The following TLL2 variants were observed in gnomAD, a reference collection of about 807,000 sequenced individuals.
TLL2 encodes the protein tolloid-like protein 2.
A neutral mutation model predicts 123.0 loss-of-function variants in TLL2; 106 were observed. That is an observed-to-expected ratio of 0.86 (90% confidence interval 0.74 to 1.01). The LOEUF (loss-of-function observed/expected upper bound fraction) is 1.01, where lower values mean the gene tolerates loss of function less well. Ranked by LOEUF, TLL2 falls within the 50% of genes least tolerant of loss-of-function variation. The pLI is 0.00. For synonymous variants in TLL2, 494 were observed against 516.8 expected, an observed-to-expected ratio of 0.96 and a Z score of 0.60; for missense variants, 1,332 against 1,336.7, an observed-to-expected ratio of 1.00 and a Z score of 0.06.
intron 2 of TLL2, among the ~76,000 whole-genome samples, chr10:96,459,705 A>AAATATATATATATAT (rs1847058581): frequency 2.6e-5 from 1 of 38,040 alleles, no homozygotes. Flanking sequence ...AAAAAAAAAA[A>AAATATATATATATAT]ATATATATAT....
intron 1 of TLL2, among the ~76,000 whole-genome samples, chr10:96,505,833 AG>A (rs1847572718): frequency 6.6e-6 from 1 of 152,208 alleles, no homozygotes; most frequent in African/African-American, 2.4e-5. Context: ...TCTGTTTTCT[AG>A]GCATGGTACC....
At chr10:96,394,435 G>A (rs1185260318) in intron 13 of TLL2, among the ~76,000 whole-genome samples, 1 of 152,220 alleles carries the variant, frequency 6.6e-6, no homozygotes, top group Non-Finnish European at 1.5e-5. Flanking sequence ...TTGGAAGCTG[G>A]CTCTTCTGGG....
At chr10:96,389,146 G>C (rs1219341181) in intron 13 of TLL2, among the ~76,000 whole-genome samples, 3 of 152,232 alleles carry the variant, frequency 2.0e-5, no homozygotes, top group African/African-American at 7.2e-5. Context: ...AAGTGAGTCA[G>C]ACCTGGGGTG....
At chr10:96,447,502 G>A (rs187634418) in intron 2 of TLL2, among the ~76,000 whole-genome samples, 104 of 152,254 alleles carry the variant, frequency 6.8e-4, no homozygotes, top group Non-Finnish European at 1.3e-3. Context: ...GTCGTGTTAG[G>A]GAACAGTCAT....
chr10:96,426,343 T>G lies in TLL2; in HGVS notation c.638+2288A>C, dbSNP rs560844632. On this transcript the variant is annotated intron_variant, in intron 5 of 20. Transcript: ENST00000357947. ...GTCTATAATTTTTTCTTTCTTATCTTTTTTATCATGTTTTCCTTTCTTTCT... is the reference window on the plus strand; with the variant it reads ...GTCTATAATTTTTTCTTTCTTATCTGTTTTATCATGTTTTCCTTTCTTTCT... Among the ~76,000 whole-genome samples, 42 of 152,294 alleles carry G rather than the reference T, an allele frequency of 2.8e-4. No homozygotes were observed. The South Asian group carries it at 2.9e-3, about 11-fold the overall frequency.
At position 96,505,030 on chromosome 10, in the gene TLL2, T is replaced by A. The variant is rs548334359; in HGVS notation, c.175+8481A>T. Among the ~76,000 whole-genome samples the A allele has an allele frequency of 1.1e-4, 13 of 117,490 alleles. No homozygotes were observed. In the East Asian group the frequency reaches 2.7e-3, roughly 24 times the overall value. 77.1% of individuals were successfully genotyped at this position (117,490 alleles called of 152,430 possible). A position where few individuals can be genotyped will look rare whatever the true frequency, so the allele number is the denominator to read the frequency against. ...CTCAAAAAAATAAAAAATAAATAAA[T>A]AAATAAATAAATAAATAAAAGATAC... On this transcript the variant is annotated intron_variant, in intron 1 of 20. Transcript: ENST00000357947.
chr10:96,417,619 G>A (rs909344828), intron 7 of TLL2, among the ~76,000 whole-genome samples: 1 of 152,194 alleles, frequency 6.6e-6, no homozygotes, highest in African/African-American at 2.4e-5. Context: ...GGGGCCTTAA[G>A]AGGCTTGCAG....
At chr10:96,479,009 A>G (rs946481840) in intron 2 of TLL2, among the ~76,000 whole-genome samples, 1 of 152,234 alleles carries the variant, frequency 6.6e-6, no homozygotes, top group Admixed American at 6.5e-5. Context: ...CAGCTTCTCC[A>G]GGCCTCCAGG....
intron 2 of TLL2, among the ~76,000 whole-genome samples, chr10:96,466,466 G>A (rs1203079590): frequency 2.0e-5 from 3 of 152,186 alleles, no homozygotes; most frequent in Non-Finnish European, 2.9e-5. Flanking sequence ...CCAGGATGGG[G>A]AGCCTCATCC....
At chr10:96,499,167 C>A (rs1301183615) in intron 1 of TLL2, among the ~76,000 whole-genome samples, 1 of 152,160 alleles carries the variant, frequency 6.6e-6, no homozygotes, top group African/African-American at 2.4e-5. Flanking sequence ...CACCTTGCAC[C>A]CATGGGAAGG....
chr10:96,513,638 C>A lies in TLL2; in HGVS notation c.48G>T (p.Leu16=). The change falls in exon 1 of 21, where the codon CTG becomes CTT. Residue 16 remains leucine, a synonymous_variant. Transcript: ENST00000357947. ...ALGALVSLLL[L]LPLPRGAGGL... ...CCCCGGCGCCGCGAGGCAGCGGCAG[C>A]AGCAGCAGCAGTGACACCAGGGCCC... 6.3e-7 allele frequency: 1 copy of A among 1,593,226 alleles called. No homozygotes were observed. The highest frequency in any genetic ancestry group is 1.1e-5 in the South Asian group (1 of 90,184).
At chr10:96,422,956 T>C (rs1291404362) in intron 5 of TLL2, among the ~76,000 whole-genome samples, 1 of 152,034 alleles carries the variant, frequency 6.6e-6, no homozygotes, top group African/African-American at 2.4e-5. Flanking sequence ...GGTGAAACCC[T>C]GTCTCTACTG....
chr10:96,453,804 G>A (rs1413760706), intron 2 of TLL2, among the ~76,000 whole-genome samples: 1 of 152,092 alleles, frequency 6.6e-6, no homozygotes, highest in African/African-American at 2.4e-5. Flanking sequence ...CAAAAAACAT[G>A]CCGAAAAAAT....
In TLL2 at chr10:96,432,856, CCT is replaced by C. The variant is rs760154645; in HGVS notation, c.469_470del (p.Arg157AspfsTer24). 2.0e-5 allele frequency: 33 copies of C among 1,614,006 alleles called. No individual in the cohort carries two copies. The highest frequency in any genetic ancestry group is 2.6e-5 in the Non-Finnish European group (31 of 1,180,020). ...VRRATTSRTE[R>X]IWPGGVIPYV... ...AGGGGATGACTCCTCCAGGCCATAT[CCT>C]CTCTGTCCTTGAGGTTGTGGCTCTT... On this transcript the variant is annotated frameshift_variant, in exon 4 of 21. Coordinates refer to ENST00000357947, the MANE Select transcript of TLL2 (RefSeq NM_012465.4). LOFTEE classifies it high-confidence loss of function.
At chr10:96,384,790 G>A (rs1007766521) in intron 15 of TLL2, 23 bp from the exon 16 acceptor site, 3 of 1,550,268 alleles carry the variant, frequency 1.9e-6, no homozygotes, top group Non-Finnish European at 2.6e-6. Context: ...ATGATGGGGA[G>A]CTTCCCAGAG....
intron 4 of TLL2, among the ~76,000 whole-genome samples, chr10:96,429,389 T>C (rs1041276910): frequency 6.7e-6 from 1 of 148,452 alleles, no homozygotes; most frequent in African/African-American, 2.5e-5. Flanking sequence ...TTGTTCAGAA[T>C]AGAAATACTC....
chr10:96,511,588 G>T (rs1032333309), intron 1 of TLL2, among the ~76,000 whole-genome samples: 6 of 152,206 alleles, frequency 3.9e-5, no homozygotes, highest in African/African-American at 1.4e-4. Flanking sequence ...TGATTATCTT[G>T]CATTTTCTCT....
At chr10:96,398,163 G>A (rs1053301136) in intron 10 of TLL2, among the ~76,000 whole-genome samples, 13 of 152,186 alleles carry the variant, frequency 8.5e-5, no homozygotes, top group African/African-American at 2.4e-4. Context: ...CCAGGCCCAA[G>A]AGGGGGATGG....
intron 9 of TLL2, among the ~76,000 whole-genome samples, chr10:96,409,362 G>C (rs1480006386): frequency 3.9e-5 from 6 of 152,210 alleles, no homozygotes; most frequent in Non-Finnish European, 8.8e-5. Flanking sequence ...TATAATTATA[G>C]AGAGCTCTGG....
Sources: gnomAD v4.1 joint callset for allele counts (sites outside exome capture counted in the v4.1 genomes callset) on GRCh38, gnomAD v4.1.1 for gene constraint, MANE v1.5 for transcripts, NCBI Gene and HGNC (gene_info 2026-07-23, HGNC 2026-07-21) for gene names.